The following CCND3 variants were observed in gnomAD, a reference collection of about 807,000 sequenced individuals.
The protein encoded by CCND3 is G1/S-specific cyclin-D3.
Under a neutral mutation model 28.7 loss-of-function variants are expected in CCND3, and 9 were observed. That is an observed-to-expected ratio of 0.31 (90% confidence interval 0.19 to 0.55). The LOEUF is 0.55. Ranked by LOEUF, CCND3 falls within the 20% of genes least tolerant of loss-of-function variation. The probability of loss-of-function intolerance (pLI) is 0.93; values close to 1 mark genes in which losing one functional copy is unlikely to be tolerated. For synonymous variants in CCND3, 164 were observed against 163.9 expected (o/e 1.00, Z 0.00); for missense variants, 315 against 385.8 (o/e 0.82, Z 1.54).
In CCND3 at chr6:41,937,780, C is replaced by G. The variant is rs559858113; in HGVS notation, c.415-386G>C. ...CCACAGCATCACCATGAACTGGGCT[C>G]TCTTCTGGGATGAAGCAGAAAGACT... On this transcript the variant is annotated intron_variant, in intron 2 of 4. Transcript: ENST00000372991. 17 of 236,686 alleles carry G rather than the reference C, an allele frequency of 7.2e-5. No individual in the cohort carries two copies. The South Asian group carries it at 9.7e-4, about 14-fold the overall frequency. The allele number at this position is 236,686 out of a possible 1,614,324, so 14.7% of individuals were successfully genotyped here.
At position 42,048,509 on chromosome 6, in the gene CCND3, C is replaced by T; in HGVS notation, c.-54G>A. On this transcript the variant is annotated 5_prime_UTR_variant, in exon 1 of 5. Coordinates refer to the CCND3 transcript ENST00000372988. This position sits in a 1 kb window ranked among gnomAD's most constrained non-coding sequence, Gnocchi z 4.7. ...CCAGCACCCAAGCCTACCTCCTCGT[C>T]AGGTGACCTCCCCGGAGCACCGACT... 1 of 513,412 alleles carries T rather than the reference C, an allele frequency of 1.9e-6. No individual in the cohort carries two copies. The highest frequency in any genetic ancestry group is 1.4e-5 in the South Asian group (1 of 70,558). 31.8% of individuals were successfully genotyped at this position (513,412 alleles called of 1,614,324 possible). A position where few individuals can be genotyped will look rare whatever the true frequency, so the allele number is the denominator to read the frequency against.
chr6:42,035,318 C>A (rs764234124), intron 1 of CCND3, among the ~76,000 whole-genome samples: 45 of 152,194 alleles, frequency 3.0e-4, no homozygotes, highest in Admixed American at 6.6e-4. Flanking sequence ...AGTTTCCCAG[C>A]TCACCCCCTT....
intron 1 of CCND3, among the ~76,000 whole-genome samples, chr6:42,012,826 C>T (rs1276032442): frequency 6.6e-6 from 1 of 152,178 alleles, no homozygotes; most frequent in African/African-American, 2.4e-5. Context: ...ATCCAAGCTT[C>T]TACCAGATTC....
At position 41,939,487 on chromosome 6, in the gene CCND3, C is replaced by T. The variant is rs575669094; in HGVS notation, c.414+883G>A. On this transcript the variant is annotated intron_variant, in intron 2 of 4. Coordinates refer to ENST00000372991, the MANE Select transcript of CCND3 (RefSeq NM_001760.5). The surrounding 1 kb of genome is among the most constrained non-coding windows in gnomAD (Gnocchi z 4.2). Reference sequence around the variant, plus strand: ...CCTCCTCCCCAGGCTCCTTCTGAGGCGGGACAGAACCGGTGACTTTCCTGC... The same window carrying T: ...CCTCCTCCCCAGGCTCCTTCTGAGGTGGGACAGAACCGGTGACTTTCCTGC... 1.8e-4 allele frequency among the ~76,000 whole-genome samples: 27 copies of T among 152,296 alleles called. No individual in the cohort carries two copies. In the South Asian group the frequency reaches 2.1e-3, roughly 12 times the overall value.
intron 1 of CCND3, among the ~76,000 whole-genome samples, chr6:42,037,981 A>C (rs1462507423): frequency 6.8e-6 from 1 of 147,988 alleles, no homozygotes; most frequent in African/African-American, 2.5e-5. Flanking sequence ...CAGTGAGCCG[A>C]GATTGCGCCA....
chr6:42,025,515 A>G (rs911520649), intron 1 of CCND3, among the ~76,000 whole-genome samples: 1 of 152,192 alleles, frequency 6.6e-6, no homozygotes, highest in Admixed American at 6.5e-5. Context: ...AGCTCACAGA[A>G]GAAGTCACAC....
At chr6:41,964,404 GTGTGTGTC>G (rs929970583) in intron 1 of CCND3, among the ~76,000 whole-genome samples, 23 of 150,808 alleles carry the variant, frequency 1.5e-4, no homozygotes, top group Non-Finnish European at 3.1e-4. Flanking sequence ...ATGTGTGAAT[GTGTGTGTC>G]TGTGTGTGAA....
At chr6:41,979,621 GTCTC>G (rs71544259) in intron 1 of CCND3, among the ~76,000 whole-genome samples, 46 of 142,374 alleles carry the variant, frequency 3.2e-4, no homozygotes, top group Middle Eastern at 7.2e-3. Flanking sequence ...ATCTCTCTCT[GTCTC>G]TCTCTCTCTC....
intron 1 of CCND3, among the ~76,000 whole-genome samples, chr6:41,987,396 G>A (rs906321721): frequency 6.6e-6 from 1 of 151,718 alleles, no homozygotes; most frequent in Admixed American, 6.6e-5. Context: ...TAAGGCTTAT[G>A]GAGTACTTCT....
intron 1 of CCND3, among the ~76,000 whole-genome samples, chr6:41,965,664 G>A (rs181696576): frequency 4.6e-5 from 7 of 152,252 alleles, no homozygotes; most frequent in East Asian, 1.9e-4. Flanking sequence ...CAGAAGCCAC[G>A]GGAAAGAGTT....
chr6:42,016,249 A>C (rs1162820739), intron 1 of CCND3, among the ~76,000 whole-genome samples: 1 of 152,098 alleles, frequency 6.6e-6, no homozygotes, highest in African/African-American at 2.4e-5. Flanking sequence ...TATGTTTTTT[A>C]CTAACCATAG....
chr6:42,009,166 G>A (rs565613759), intron 1 of CCND3, among the ~76,000 whole-genome samples: 1 of 152,284 alleles, frequency 6.6e-6, no homozygotes, highest in African/African-American at 2.4e-5. Flanking sequence ...GCCTAGGTCA[G>A]GCCTACTTAT....
At chr6:42,035,059 T>C (rs1419721377) in intron 1 of CCND3, among the ~76,000 whole-genome samples, 3 of 152,228 alleles carry the variant, frequency 2.0e-5, no homozygotes, top group Non-Finnish European at 4.4e-5. Context: ...TTAAAACTTG[T>C]TAATGCAACC....
In CCND3 at chr6:41,941,392, G is replaced by C; in HGVS notation, c.198+60C>G. Reference sequence around the variant, plus strand: ...GTGGGGACCGGGATGTCCCGACAGGGCGGCCCCGGTGTGTCCAGACCCGGG... The same window carrying C: ...GTGGGGACCGGGATGTCCCGACAGGCCGGCCCCGGTGTGTCCAGACCCGGG... On this transcript the variant is annotated intron_variant, in intron 1 of 4. Transcript: ENST00000372991. The surrounding 1 kb of genome is among the most constrained non-coding windows in gnomAD (Gnocchi z 6.1). 6.3e-7 allele frequency: 1 copy of C among 1,580,796 alleles called. No individual in the cohort carries two copies. Among genetic ancestry groups the C allele is most frequent in the Non-Finnish European group, 8.6e-7 (1 of 1,167,526 alleles).
At chr6:42,035,134 C>G (rs1038352116) in intron 1 of CCND3, among the ~76,000 whole-genome samples, 4 of 152,316 alleles carry the variant, frequency 2.6e-5, no homozygotes, top group African/African-American at 9.6e-5. Context: ...CATTCATGCT[C>G]TTCCTGGAGC....
intron 1 of CCND3, among the ~76,000 whole-genome samples, chr6:41,964,384 G>A (rs865878503): frequency 6.6e-6 from 1 of 151,582 alleles, no homozygotes; most frequent in African/African-American, 2.4e-5. Flanking sequence ...GTGTGTGAGT[G>A]TGTGTGTGCA....
At chr6:41,970,916 C>CT (rs60110973) in intron 1 of CCND3, among the ~76,000 whole-genome samples, 2 of 150,184 alleles carry the variant, frequency 1.3e-5, no homozygotes, top group Non-Finnish European at 3.0e-5. Flanking sequence ...GCTCCAGTTT[C>CT]TTTTTTTTTT....
intron 1 of CCND3, among the ~76,000 whole-genome samples, chr6:41,981,533 T>C (rs1438089851): frequency 6.0e-5 from 9 of 151,204 alleles, no homozygotes. Flanking sequence ...TATTTATTTA[T>C]TTATTTATTG....
At chr6:42,046,660 A>C (rs1224913468) in intron 1 of CCND3, among the ~76,000 whole-genome samples, 1 of 152,190 alleles carries the variant, frequency 6.6e-6, no homozygotes, top group Non-Finnish European at 1.5e-5. Flanking sequence ...GCGCGCACAC[A>C]CACACACACA....
Sources: allele counts gnomAD v4.1 joint callset (sites outside exome capture counted in the v4.1 genomes callset), GRCh38; gene constraint gnomAD v4.1.1; non-coding constraint Gnocchi (gnomAD v3.1); transcripts MANE v1.5; gene names NCBI Gene and HGNC (gene_info 2026-07-23, HGNC 2026-07-21).